Variants in KCNV2 observed in about 807,000 individuals in gnomAD.
The protein encoded by KCNV2 is potassium voltage-gated channel modifier subfamily V member 2.
A neutral mutation model predicts 37.0 loss-of-function variants in KCNV2; 65 were observed. The ratio of observed to expected loss-of-function variants is 1.76; its 90% CI spans 1.44 to 2.16. The LOEUF is 2.16. Among genes scored for constraint, KCNV2 ranks in the 30% most tolerant of loss-of-function variants. KCNV2 has a pLI of 0.00. For missense variants in KCNV2, 1,232 were observed against 766.7 expected, an observed-to-expected ratio of 1.61 and a Z score of -7.17; for synonymous variants, 518 against 328.6, an observed-to-expected ratio of 1.58 and a Z score of -6.23.
intron 1 of KCNV2, among the ~76,000 whole-genome samples, chr9:2,723,692 A>G (rs1040883736): frequency 6.6e-6 from 1 of 152,220 alleles, no homozygotes; most frequent in African/African-American, 2.4e-5. Flanking sequence ...TTCTACATTC[A>G]TTTGGGAAGA....
rs777741747 is a variant in KCNV2, at chr9:2,718,456, C to T, written c.717C>T (p.Tyr239=). The part of the protein sequence containing the change: ...AEELFRDMRF[Y]GPQRRRLWNL... ...AACTCTTCCGCGACATGCGCTTCTA[C>T]GGCCCGCAGCGGCGCCGCCTCTGGA... The change falls in exon 1 of 2, where the codon TAC becomes TAT. Residue 239 remains tyrosine (Y), a synonymous_variant. Transcript: ENST00000382082. 4.0e-5 allele frequency: 64 copies of T among 1,607,342 alleles called. No individual in the cohort carries two copies. The highest frequency in any genetic ancestry group is 6.7e-5 in the African/African-American group (5 of 74,866).
At position 2,726,456 on chromosome 9, in the gene KCNV2, T is replaced by C. The variant is rs1028009247; in HGVS notation, c.1357-2990T>C. Among the ~76,000 whole-genome samples the C allele has an allele frequency of 2.0e-5, 3 of 152,278 alleles. No homozygotes were observed. In the East Asian group the frequency reaches 5.8e-4, roughly 29 times the overall value. On this transcript the variant is annotated intron_variant, in intron 1 of 1. Transcript: ENST00000382082. Reference sequence around the variant, plus strand: ...TATTTATTCTTCTTTAAGCCAATTCTCTTTGCTTTTGACTTTTCACTCAAA... The same window carrying C: ...TATTTATTCTTCTTTAAGCCAATTCCCTTTGCTTTTGACTTTTCACTCAAA...
At chr9:2,724,840 T>C (rs1365627013) in intron 1 of KCNV2, among the ~76,000 whole-genome samples, 1 of 152,248 alleles carries the variant, frequency 6.6e-6, no homozygotes, top group Non-Finnish European at 1.5e-5. Context: ...CTCCCAGTTC[T>C]GGAATTATAA....
chr9:2,726,319 A>G (rs1419264418), intron 1 of KCNV2, among the ~76,000 whole-genome samples: 1 of 152,212 alleles, frequency 6.6e-6, no homozygotes, highest in African/African-American at 2.4e-5. Context: ...GTACATTTTC[A>G]ACAAATTATT....
chr9:2,729,371 T>C (rs1820023220), intron 1 of KCNV2, 75 bp from the exon 2 acceptor site: 42 of 1,549,770 alleles, frequency 2.7e-5, no homozygotes, highest in Non-Finnish European at 3.6e-5. Flanking sequence ...GACGCTTCCC[T>C]GCTTGCTCCT....
Position 2,722,047 on chromosome 9 carries a change from A to G in KCNV2, c.1356+2952A>G, listed in dbSNP as rs184107399. 1.1e-4 allele frequency among the ~76,000 whole-genome samples: 16 copies of G among 144,466 alleles called. No individual in the cohort carries two copies. The East Asian group carries it at 2.9e-3, about 27-fold the overall frequency. 94.8% of individuals were successfully genotyped at this position (144,466 alleles called of 152,430 possible). A position where few individuals can be genotyped will look rare whatever the true frequency, so the allele number is the denominator to read the frequency against. Reference sequence around the variant, plus strand: ...TAAATAAATTAGAAGTTATTTATTTATAAATAAATTAGAAGTTATTTATAA... The same window carrying G: ...TAAATAAATTAGAAGTTATTTATTTGTAAATAAATTAGAAGTTATTTATAA... On this transcript the variant is annotated intron_variant, in intron 1 of 1. Transcript: ENST00000382082.
intron 1 of KCNV2, among the ~76,000 whole-genome samples, chr9:2,728,900 A>G (rs909854270): frequency 6.6e-6 from 1 of 151,724 alleles, no homozygotes; most frequent in Non-Finnish European, 1.5e-5. Flanking sequence ...AAAAAAAGAA[A>G]AAAAGAAAAA....
At chr9:2,727,298 G>C (rs1330897841) in intron 1 of KCNV2, among the ~76,000 whole-genome samples, 1 of 145,948 alleles carries the variant, frequency 6.9e-6, no homozygotes, top group Non-Finnish European at 1.5e-5. Context: ...GTGGGGGAGG[G>C]GGGAGGGGTA....
rs1417482688 is a variant in KCNV2 at position 2,717,939 on chromosome 9, G to A, written c.200G>A (p.Trp67Ter). The change falls in exon 1 of 2, where the codon TGG becomes TAG. Residue 67 changes from tryptophan to a stop codon, truncating the protein, a stop_gained. Transcript: ENST00000382082. LOFTEE classifies it high-confidence loss of function. ...GAAGACGGCGAGGAGGAGGACCAGT[G>A]GAAGGACGACCTGGCAGAAGAGGAC... ...EDEDGEEEDQ[W>*]KDDLAEEDQQ... 2.3e-5 allele frequency: 37 copies of A among 1,613,912 alleles called. No homozygotes were observed. Among genetic ancestry groups the A allele is most frequent in the Non-Finnish European group, 2.9e-5 (34 of 1,179,924 alleles).
chr9:2,726,381 T>C (rs188113806), intron 1 of KCNV2, among the ~76,000 whole-genome samples: 24 of 152,140 alleles, frequency 1.6e-4, no homozygotes, highest in Middle Eastern at 3.4e-3. Flanking sequence ...TCTCTAAAAA[T>C]AGAGATTGAA....
At chr9:2,719,290 T>G (rs1819817971) in intron 1 of KCNV2, among the ~76,000 whole-genome samples, 195 bp downstream of exon 1, 1 of 152,168 alleles carries the variant, frequency 6.6e-6, no homozygotes, top group African/African-American at 2.4e-5. Flanking sequence ...GATCAGTAAG[T>G]AAGTGAATTT....
In KCNV2 at chr9:2,718,630, C is replaced by T. The variant is rs748075524; in HGVS notation, c.891C>T (p.Asp297=). 1.2e-6 allele frequency: 2 copies of T among 1,613,094 alleles called. No homozygotes were observed. The highest frequency in any genetic ancestry group is 1.7e-6 in the Non-Finnish European group (2 of 1,179,840). The change falls in exon 1 of 2, where the codon GAC becomes GAT. Residue 297 remains aspartate (D), a synonymous_variant. Coordinates refer to ENST00000382082, the MANE Select transcript of KCNV2 (RefSeq NM_133497.4). ...QHSGQGEGGP[D]LRPILEHVEM... is the part of the protein sequence containing the mutation. ...CGGGGCAGGGCGAGGGCGGCCCAGACCTGCGGCCCATCCTGGAGCACGTGG... is the reference window on the plus strand; with the variant it reads ...CGGGGCAGGGCGAGGGCGGCCCAGATCTGCGGCCCATCCTGGAGCACGTGG...
In KCNV2 at chr9:2,729,726, A is replaced by G; in HGVS notation, c.1637A>G (p.Ter546TrpextTer60). Residue 546 changes from the stop codon to tryptophan (W), a stop_lost, in exon 2 of 2, where the codon TAG becomes TGG. Transcript: ENST00000382082. ...NPQLTPRQEN[*>W] ...CAGCTCACCCCAAGACAAGAGAATTAGTATTTTATAGGACATGTGGCTGGT... is the reference window on the plus strand; with the variant it reads ...CAGCTCACCCCAAGACAAGAGAATTGGTATTTTATAGGACATGTGGCTGGT... The G allele has an allele frequency of 6.2e-7, 1 of 1,614,024 alleles. No individual in the cohort carries two copies. Among genetic ancestry groups the G allele is most frequent in the East Asian group, 2.2e-5 (1 of 44,878 alleles).
chr9:2,723,276 TAC>T (rs1192760976), intron 1 of KCNV2, among the ~76,000 whole-genome samples: 2 of 152,198 alleles, frequency 1.3e-5, no homozygotes, highest in East Asian at 3.8e-4. Flanking sequence ...CATCCCACAT[TAC>T]AGAGAGTTTC....
At position 2,717,991 on chromosome 9, in the gene KCNV2, C is replaced by A. The variant is rs775709306; in HGVS notation, c.252C>A (p.Ala84=). Reference sequence around the variant, plus strand: ...AGCAGGCAGGGGAGGTCACCACCGCCAAGCCCGAGGGCCCCAGCGACCCTC... The same window carrying A: ...AGCAGGCAGGGGAGGTCACCACCGCAAAGCCCGAGGGCCCCAGCGACCCTC... ...EDQQAGEVTT[A]KPEGPSDPPA... The change falls in exon 1 of 2, where the codon GCC becomes GCA. Residue 84 remains alanine (A), a synonymous_variant. Coordinates refer to ENST00000382082, the MANE Select transcript of KCNV2 (RefSeq NM_133497.4). 6.2e-7 allele frequency: 1 copy of A among 1,614,154 alleles called. No homozygotes were observed. Among genetic ancestry groups the A allele is most frequent in the East Asian group, 2.2e-5 (1 of 44,856 alleles).
rs764600413 is a variant in KCNV2, at chr9:2,729,448, G to C, written c.1359G>C (p.Val453=). The C allele has an allele frequency of 6.2e-7, 1 of 1,613,412 alleles. No homozygotes were observed. The highest frequency in any genetic ancestry group is 8.5e-7 in the Non-Finnish European group (1 of 1,179,968). ...TIPHSWWWAA[V]SISTVGYGDM... is the part of the protein sequence containing the mutation. ...ATCCTGCTTTCCTTCCTCTACAGGT[G>C]AGCATCTCCACCGTGGGCTACGGAG... The change falls in exon 2 of 2, where the codon GTG becomes GTC. Residue 453 remains valine, a splice_region_variant and synonymous_variant. Coordinates refer to ENST00000382082, the MANE Select transcript of KCNV2 (RefSeq NM_133497.4).
Position 2,726,698 on chromosome 9 carries a change from G to T in KCNV2, c.1357-2748G>T, listed in dbSNP as rs1819973132. Among the ~76,000 whole-genome samples the T allele has an allele frequency of 2.0e-5, 3 of 152,216 alleles. No individual in the cohort carries two copies. In the South Asian group the frequency reaches 6.2e-4, roughly 32 times the overall value. ...GGATGTCTCATGTTCTAAACCAGGG[G>T]TCCCCAATCCCGGGCTGTGGAGTGG... On this transcript the variant is annotated intron_variant, in intron 1 of 1. Coordinates refer to ENST00000382082, the MANE Select transcript of KCNV2 (RefSeq NM_133497.4).
At position 2,717,941 on chromosome 9, in the gene KCNV2, A is replaced by G. The variant is rs776727537; in HGVS notation, c.202A>G (p.Lys68Glu). ...DEDGEEEDQW[K>E]DDLAEEDQQA... ...AGACGGCGAGGAGGAGGACCAGTGG[A>G]AGGACGACCTGGCAGAAGAGGACCA... is the stretch of plus-strand genomic sequence containing the variant. The change falls in exon 1 of 2, where the codon AAG becomes GAG. Residue 68 changes from lysine to glutamate, a missense_variant. Coordinates refer to ENST00000382082, the MANE Select transcript of KCNV2 (RefSeq NM_133497.4). The G allele has an allele frequency of 6.2e-7, 1 of 1,614,014 alleles. No homozygotes were observed. Among genetic ancestry groups the G allele is most frequent in the South Asian group, 1.1e-5 (1 of 91,074 alleles).
intron 1 of KCNV2, among the ~76,000 whole-genome samples, chr9:2,727,428 A>T (rs570057880): frequency 5.4e-5 from 8 of 148,296 alleles, no homozygotes; most frequent in East Asian, 3.9e-4. Flanking sequence ...GAACTTAAAT[A>T]AAAAAAAGAC....
Sources: gnomAD v4.1 joint callset for allele counts (sites outside exome capture counted in the v4.1 genomes callset) on GRCh38, gnomAD v4.1.1 for gene constraint, MANE v1.5 for transcripts, NCBI Gene and HGNC (gene_info 2026-07-23, HGNC 2026-07-21) for gene names.